KCNB2: variants seen among roughly 807,000 people sequenced by gnomAD.
KCNB2 encodes potassium voltage-gated channel subfamily B member 2.
In KCNB2, 15 loss-of-function variants were observed where a neutral mutation model predicts 61.5. That is an observed-to-expected ratio of 0.24 (90% CI 0.16 to 0.38). The LOEUF is 0.38. Ranked by LOEUF, KCNB2 falls within the 10% of genes least tolerant of loss-of-function variation. KCNB2 has a pLI of 1.00. For missense variants in KCNB2, 828 were observed against 1,125.2 expected (o/e 0.74, Z 3.78); for synonymous variants, 457 against 446.0 (o/e 1.02, Z -0.31).
intron 2 of KCNB2, among the ~76,000 whole-genome samples, chr8:72,908,231 T>C (rs1190124495): frequency 6.6e-6 from 1 of 152,190 alleles, no homozygotes; most frequent in East Asian, 1.9e-4. Flanking sequence ...AACTCTTTCT[T>C]TTCCTTCATC....
chr8:72,725,183 G>T (rs1184540679), intron 2 of KCNB2, among the ~76,000 whole-genome samples: 1 of 152,070 alleles, frequency 6.6e-6, no homozygotes, highest in African/African-American at 2.4e-5. Flanking sequence ...AGAAATGCCA[G>T]ATATTTTGAA....
intron 2 of KCNB2, among the ~76,000 whole-genome samples, chr8:72,817,313 G>A (rs1043059406): frequency 5.3e-5 from 8 of 152,088 alleles, no homozygotes; most frequent in Non-Finnish European, 7.4e-5. Flanking sequence ...CCCCCTCACC[G>A]AGCAGGTTCA....
intron 2 of KCNB2, among the ~76,000 whole-genome samples, chr8:72,909,805 T>C (rs1050411507): frequency 2.6e-5 from 4 of 152,122 alleles, no homozygotes; most frequent in African/African-American, 9.7e-5. Context: ...TCAAGGATGC[T>C]TGCATCACTA....
At chr8:72,778,575 A>C (rs1465346858) in intron 2 of KCNB2, among the ~76,000 whole-genome samples, 1 of 151,098 alleles carries the variant, frequency 6.6e-6, no homozygotes, top group Non-Finnish European at 1.5e-5. Flanking sequence ...CGGTCTCTAC[A>C]AAGAATAAAA....
intron 2 of KCNB2, among the ~76,000 whole-genome samples, chr8:72,870,059 G>A (rs1315079600): frequency 6.6e-6 from 1 of 152,156 alleles, no homozygotes; most frequent in Non-Finnish European, 1.5e-5. Flanking sequence ...TGAACCCGGA[G>A]AGCATTATGC....
chr8:72,798,043 T>C (rs1809058825), intron 2 of KCNB2, among the ~76,000 whole-genome samples: 2 of 152,182 alleles, frequency 1.3e-5, no homozygotes, highest in South Asian at 4.1e-4. Context: ...CTGAACTCTT[T>C]CCTTCAAAGT....
At chr8:72,641,242 A>G (rs1806050042) in intron 2 of KCNB2, among the ~76,000 whole-genome samples, 1 of 152,078 alleles carries the variant, frequency 6.6e-6, no homozygotes, top group Non-Finnish European at 1.5e-5. Context: ...TTGATAATAC[A>G]CTTGTTCTCT....
chr8:72,639,272 C>CCACCCACAGCAAAAG (rs1360297882), intron 2 of KCNB2, among the ~76,000 whole-genome samples: 1 of 152,116 alleles, frequency 6.6e-6, no homozygotes, highest in Non-Finnish European at 1.5e-5. Context: ...GCATGTTCTA[C>CCACCCACAGCAAAAG]CACCCACAGC....
intron 1 of KCNB2, among the ~76,000 whole-genome samples, chr8:72,553,248 A>G (rs1806373440): frequency 6.6e-6 from 1 of 152,110 alleles, no homozygotes. Context: ...GGTTTTTCCC[A>G]GTTTTCACCT....
At chr8:72,922,652 C>G (rs1342821798) in intron 2 of KCNB2, among the ~76,000 whole-genome samples, 1 of 152,140 alleles carries the variant, frequency 6.6e-6, no homozygotes, top group Non-Finnish European at 1.5e-5. Flanking sequence ...CCCTCTCTGT[C>G]TCAATCACTT....
intron 2 of KCNB2, among the ~76,000 whole-genome samples, chr8:72,689,753 G>A (rs1172891691): frequency 1.3e-5 from 2 of 152,066 alleles, no homozygotes; most frequent in East Asian, 1.9e-4. Flanking sequence ...TTACCCGATA[G>A]CATTCCATTA....
intron 2 of KCNB2, among the ~76,000 whole-genome samples, chr8:72,680,049 T>C (rs1213117356): frequency 6.6e-6 from 1 of 152,224 alleles, no homozygotes; most frequent in African/African-American, 2.4e-5. Context: ...AGTTTTACTA[T>C]GGTGTCACTC....
chr8:72,704,806 T>C (rs1807192432), intron 2 of KCNB2, among the ~76,000 whole-genome samples: 1 of 152,118 alleles, frequency 6.6e-6, no homozygotes, highest in Admixed American at 6.6e-5. Context: ...AATCTGCAGA[T>C]GCTCAAGTCC....
In KCNB2 at chr8:72,725,545, GTA is replaced by G. The variant is rs1238625545; in HGVS notation, c.579+157242_579+157243del. Among the ~76,000 whole-genome samples the G allele has an allele frequency of 6.4e-3, 408 of 63,654 alleles. 7 individuals carry two copies. The highest frequency in any genetic ancestry group is 0.02 in the African/African-American group (365 of 18,204). The allele number at this position is 63,654 out of a possible 152,430, so 41.8% of individuals were successfully genotyped here. A position where few individuals can be genotyped will look rare whatever the true frequency, so the allele number is the denominator to read the frequency against. On this transcript the variant is annotated intron_variant, in intron 2 of 2. Transcript: ENST00000523207. ...TATATATATATATATATATATGTGT[GTA>G]TATATATATGTATATATGTATATAT... is the stretch of plus-strand genomic sequence containing the variant.
chr8:72,898,306 G>A (rs28421480), intron 2 of KCNB2, among the ~76,000 whole-genome samples: 6 of 151,906 alleles, frequency 3.9e-5, no homozygotes, highest in Non-Finnish European at 5.9e-5. Context: ...GTAGGGGAAG[G>A]GGGGAGGGAT....
intron 2 of KCNB2, among the ~76,000 whole-genome samples, chr8:72,830,160 A>G (rs987807670): frequency 6.7e-6 from 1 of 149,562 alleles, no homozygotes; most frequent in African/African-American, 2.5e-5. Flanking sequence ...CCTTCAAATG[A>G]CATACTCCCA....
At chr8:72,632,641 C>A (rs1447993655) in intron 2 of KCNB2, among the ~76,000 whole-genome samples, 1 of 152,144 alleles carries the variant, frequency 6.6e-6, no homozygotes, top group Non-Finnish European at 1.5e-5. Flanking sequence ...TAAATTATAG[C>A]ATCATCATGA....
At chr8:72,833,867 A>C (rs1232758917) in intron 2 of KCNB2, among the ~76,000 whole-genome samples, 1 of 152,214 alleles carries the variant, frequency 6.6e-6, no homozygotes, top group Non-Finnish European at 1.5e-5. Context: ...CAGCATGGAC[A>C]ACCAAGGGGT....
At chr8:72,888,161 G>A (rs1805836885) in intron 2 of KCNB2, among the ~76,000 whole-genome samples, 1 of 152,166 alleles carries the variant, frequency 6.6e-6, no homozygotes, top group Non-Finnish European at 1.5e-5. Flanking sequence ...GGAGTGCAGT[G>A]GTGCAATCAT....
Sources: allele counts gnomAD v4.1 joint callset (sites outside exome capture counted in the v4.1 genomes callset), GRCh38; gene constraint gnomAD v4.1.1; transcripts MANE v1.5; gene names NCBI Gene and HGNC (gene_info 2026-07-23, HGNC 2026-07-21).